The following SLC39A8 variants were observed in gnomAD, a reference collection of about 807,000 sequenced individuals.
The protein encoded by SLC39A8 is solute carrier family 39 member 8, also known as metal cation symporter ZIP8.
Under a neutral mutation model 40.4 loss-of-function variants are expected in SLC39A8, and 15 were observed. The observed-to-expected ratio is 0.37, with a 90% CI of 0.25 to 0.57. The LOEUF is 0.57. Ranked by LOEUF, SLC39A8 falls within the 20% of genes least tolerant of loss-of-function variation. The pLI is 0.75. For missense variants in SLC39A8, 472 were observed against 558.8 expected (o/e 0.84, Z 1.57); for synonymous variants, 223 against 221.6 (o/e 1.01, Z -0.06).
At chr4:102,293,493 C>T (rs1489930747) in intron 6 of SLC39A8, among the ~76,000 whole-genome samples, 1 of 151,888 alleles carries the variant, frequency 6.6e-6, no homozygotes, top group Non-Finnish European at 1.5e-5. Context: ...AATAAACAAA[C>T]AAAACAATAC....
chr4:102,314,568 T>C (rs962864491), intron 3 of SLC39A8, among the ~76,000 whole-genome samples: 3 of 152,186 alleles, frequency 2.0e-5, no homozygotes, highest in African/African-American at 2.4e-5. Context: ...TCCAGACACA[T>C]AGGAGCCTCT....
At chr4:102,266,185 A>G (rs2149003613) in intron 8 of SLC39A8, among the ~76,000 whole-genome samples, 1 of 152,324 alleles carries the variant, frequency 6.6e-6, no homozygotes, top group South Asian at 2.1e-4. Flanking sequence ...TGAATGGAAA[A>G]GCCCCTTGAA....
downstream of SLC39A8, among the ~76,000 whole-genome samples, chr4:102,257,113 A>G (rs535606962): frequency 1.3e-5 from 2 of 152,240 alleles, no homozygotes; most frequent in African/African-American, 4.8e-5. Flanking sequence ...CTAATAAAAA[A>G]TGAGGTTTAT....
intron 3 of SLC39A8, among the ~76,000 whole-genome samples, chr4:102,310,107 T>C (rs915735250): frequency 6.6e-6 from 1 of 152,044 alleles, no homozygotes; most frequent in Non-Finnish European, 1.5e-5. Context: ...ATTTACCCCC[T>C]TCTCAACATG....
At chr4:102,308,384 C>G (rs1734282771) in intron 3 of SLC39A8, among the ~76,000 whole-genome samples, 2 of 152,008 alleles carry the variant, frequency 1.3e-5, no homozygotes, top group Admixed American at 6.6e-5. Flanking sequence ...GGGCCTGGCA[C>G]CCAGTAGGCA....
rs75698336 is a variant in SLC39A8 at position 102,333,459 on chromosome 4, T to G, written c.219+10985A>C. 7.3e-3 allele frequency among the ~76,000 whole-genome samples: 1,107 copies of G among 152,304 alleles called. 5 individuals carry two copies. Among genetic ancestry groups the G allele is most frequent in the Non-Finnish European group, 0.011 (763 of 68,026 alleles). ...TATTTATAAGTTATTATGACAAGAC[T>G]TATGTGCATTTGATATGGGAAGGGG... On this transcript the variant is annotated intron_variant, in intron 2 of 8. Coordinates refer to ENST00000356736, the MANE Select transcript of SLC39A8 (RefSeq NM_001135146.2).
intron 2 of SLC39A8, among the ~76,000 whole-genome samples, chr4:102,332,206 A>G (rs559729825): frequency 2.0e-5 from 3 of 152,246 alleles, no homozygotes; most frequent in Non-Finnish European, 4.4e-5. Context: ...CAGCAAAAGA[A>G]GCTATCATCA....
chr4:102,339,543 T>G (rs1358900759), intron 2 of SLC39A8, among the ~76,000 whole-genome samples: 5 of 151,994 alleles, frequency 3.3e-5, no homozygotes, highest in Admixed American at 3.3e-4. Context: ...GAGCCCGGAG[T>G]TATTCTTTCT....
chr4:102,256,064 C>T (rs948565923), intron 11 of SLC39A8, among the ~76,000 whole-genome samples: 1 of 152,208 alleles, frequency 6.6e-6, no homozygotes, highest in African/African-American at 2.4e-5. Context: ...TCCACAGTTT[C>T]TAAGCTTCTA....
chr4:102,344,449 T>C lies in SLC39A8; in HGVS notation c.214A>G (p.Asn72Asp). The C allele has an allele frequency of 6.5e-7, 1 of 1,535,562 alleles. No individual in the cohort carries two copies. The highest frequency in any genetic ancestry group is 8.8e-7 in the Non-Finnish European group (1 of 1,139,996). The stretch of plus-strand genomic sequence containing the variant: ...CCCGGACCTGGCGGCCTTACCTGGT[T>C]GAAGTGCAGCTGGCCAGGCTCCGGG... ...GVPEPGQLHF[N>D]QCLTAEEIFS... The change falls in exon 2 of 9, where the codon AAC (asparagine) becomes GAC (aspartate). Residue 72 changes from asparagine to aspartate, a missense_variant. By Grantham distance (23) the Asn-to-Asp change is conservative. This residue lies in a region of SLC39A8 where 175 missense variants were observed against 160.5 expected (regional missense o/e 1.09). Transcript: ENST00000356736.
At chr4:102,299,738 G>C (rs1733835785) in intron 6 of SLC39A8, among the ~76,000 whole-genome samples, 1 of 151,958 alleles carries the variant, frequency 6.6e-6, no homozygotes. Context: ...ATATTTAATA[G>C]TATCTATTCT....
At chr4:102,290,402 G>A (rs1173460654) in intron 6 of SLC39A8, among the ~76,000 whole-genome samples, 2 of 152,026 alleles carry the variant, frequency 1.3e-5, no homozygotes, top group African/African-American at 2.4e-5. Context: ...TTTTGACACC[G>A]ACTATGGTTC....
At chr4:102,260,329 A>C (rs2148999917), downstream of SLC39A8, among the ~76,000 whole-genome samples, 1 of 152,348 alleles carries the variant, frequency 6.6e-6, no homozygotes, top group African/African-American at 2.4e-5. Flanking sequence ...TCCAGCTAAA[A>C]GCAATGTTTC....
intron 3 of SLC39A8, among the ~76,000 whole-genome samples, chr4:102,311,434 T>C (rs1206837143): frequency 1.3e-5 from 2 of 152,116 alleles, no homozygotes; most frequent in African/African-American, 4.8e-5. Flanking sequence ...GAGCTCTCAT[T>C]TCACCTTAGG....
chr4:102,267,766 C>T lies in SLC39A8; in HGVS notation c.1049-92G>A, dbSNP rs550686086. ...AATCATCAATGTCCAACAAGGTCTTCATTTTAGTGCATCAGAAGGATTTTA... is the reference window on the plus strand; with the variant it reads ...AATCATCAATGTCCAACAAGGTCTTTATTTTAGTGCATCAGAAGGATTTTA... On this transcript the variant is annotated intron_variant, in intron 7 of 8. Transcript: ENST00000356736. The T allele has an allele frequency of 1.8e-4, 283 of 1,531,434 alleles. 1 individual carries two copies. The highest frequency in any genetic ancestry group is 8.3e-4 in the South Asian group (68 of 82,344). 94.9% of individuals were successfully genotyped at this position (1,531,434 alleles called of 1,614,324 possible). A position where few individuals can be genotyped will look rare whatever the true frequency, so the allele number is the denominator to read the frequency against.
chr4:102,256,263 C>T (rs1378623016), intron 11 of SLC39A8, among the ~76,000 whole-genome samples: 2 of 152,170 alleles, frequency 1.3e-5, no homozygotes, highest in Non-Finnish European at 1.5e-5. Flanking sequence ...AGATATTCCA[C>T]GTAGCACTTC....
At chr4:102,271,961 T>C (rs1732381857) in intron 6 of SLC39A8, among the ~76,000 whole-genome samples, 2 of 152,062 alleles carry the variant, frequency 1.3e-5, no homozygotes, top group South Asian at 4.1e-4. Flanking sequence ...AGGTTGGAGT[T>C]CTGTTCATAG....
chr4:102,314,711 C>T (rs527563016), intron 3 of SLC39A8, among the ~76,000 whole-genome samples: 102 of 152,192 alleles, frequency 6.7e-4, no homozygotes, highest in African/African-American at 2.3e-3. Flanking sequence ...TCAGAGAGGG[C>T]TTCCTTGATC....
At chr4:102,277,188 G>T (rs748574559) in intron 6 of SLC39A8, among the ~76,000 whole-genome samples, 4 of 152,154 alleles carry the variant, frequency 2.6e-5, no homozygotes, top group Admixed American at 6.5e-5. Flanking sequence ...AGGAAAAGAG[G>T]TAGTCAAATT....
Sources: allele counts gnomAD v4.1 joint callset (sites outside exome capture counted in the v4.1 genomes callset), GRCh38; gene constraint gnomAD v4.1.1; regional missense constraint gnomAD v4.1.1; transcripts MANE v1.5; gene names NCBI Gene and HGNC (gene_info 2026-07-23, HGNC 2026-07-21).